The following SNX29 variants were observed in gnomAD, a reference collection of about 807,000 sequenced individuals.
SNX29 encodes sorting nexin-29.
Under a neutral mutation model 102.1 loss-of-function variants are expected in SNX29, and 78 were observed. The observed-to-expected ratio is 0.76, with a 90% confidence interval of 0.64 to 0.92. The LOEUF is 0.92. SNX29 is among the 40% of genes least tolerant of loss of function. The probability of loss-of-function intolerance (pLI) is 0.00; values close to 1 mark genes in which losing one functional copy is unlikely to be tolerated. For synonymous variants in SNX29, 580 were observed against 414.5 expected, an observed-to-expected ratio of 1.40 and a Z score of -4.85; for missense variants, 1,280 against 1,061.7, an observed-to-expected ratio of 1.21 and a Z score of -2.86.
At chr16:12,449,533 C>G (rs2086211356) in intron 18 of SNX29, among the ~76,000 whole-genome samples, 1 of 152,168 alleles carries the variant, frequency 6.6e-6, no homozygotes, top group Non-Finnish European at 1.5e-5. Flanking sequence ...ATTTGTTACT[C>G]TCTGTAAGTC....
intron 18 of SNX29, among the ~76,000 whole-genome samples, chr16:12,432,354 G>A (rs1447553505): frequency 6.6e-6 from 1 of 152,202 alleles, no homozygotes; most frequent in Non-Finnish European, 1.5e-5. Context: ...CATTTTTGGG[G>A]TCCAGGCTGT....
intron 14 of SNX29, among the ~76,000 whole-genome samples, chr16:12,257,675 C>T (rs929968297): frequency 1.4e-5 from 2 of 146,248 alleles, no homozygotes; most frequent in African/African-American, 2.6e-5. Flanking sequence ...CACCACCATG[C>T]CCGGCTTATT....
intron 15 of SNX29, among the ~76,000 whole-genome samples, chr16:12,281,648 G>A (rs940465942): frequency 2.6e-5 from 4 of 152,102 alleles, no homozygotes; most frequent in Non-Finnish European, 4.4e-5. Context: ...ACTGTGCTGG[G>A]GTTTTTACGT....
chr16:12,339,260 A>G lies in SNX29; in HGVS notation c.1783-16903A>G, dbSNP rs1329800492. Among the ~76,000 whole-genome samples, 3 of 149,650 alleles carry G rather than the reference A, an allele frequency of 2.0e-5. No individual in the cohort carries two copies. In the Admixed American group the frequency reaches 2.0e-4, roughly 10 times the overall value. On this transcript the variant is annotated intron_variant, in intron 15 of 20. Coordinates refer to ENST00000566228, the MANE Select transcript of SNX29 (RefSeq NM_032167.5). ...GTGGCGCATGCCTGTAATCCCAGCTACTTGTGTGGCTGAGGCAGAAGAATC... is the reference window on the plus strand; with the variant it reads ...GTGGCGCATGCCTGTAATCCCAGCTGCTTGTGTGGCTGAGGCAGAAGAATC...
intron 19 of SNX29, among the ~76,000 whole-genome samples, chr16:12,521,462 G>A (rs1168749025): frequency 7.2e-5 from 11 of 151,938 alleles, no homozygotes; most frequent in African/African-American, 2.7e-4. Context: ...TTTTGGGGGT[G>A]GGGGGTTCAC....
chr16:12,126,069 ATC>A (rs1049259225), intron 11 of SNX29, among the ~76,000 whole-genome samples: 8 of 152,282 alleles, frequency 5.3e-5, no homozygotes, highest in African/African-American at 1.9e-4. Flanking sequence ...CATTTAAAAA[ATC>A]TTTTTTATTT....
intron 14 of SNX29, among the ~76,000 whole-genome samples, chr16:12,252,732 C>T (rs907378994): frequency 6.6e-6 from 1 of 152,196 alleles, no homozygotes; most frequent in African/African-American, 2.4e-5. Flanking sequence ...GTTCCGCTTC[C>T]CTGGCTCACA....
At chr16:12,422,861 C>G (rs1016383109) in intron 18 of SNX29, among the ~76,000 whole-genome samples, 4 of 152,356 alleles carry the variant, frequency 2.6e-5, no homozygotes, top group Admixed American at 2.6e-4. Flanking sequence ...TTCACAGTCT[C>G]TCAGGATGAG....
chr16:12,423,770 C>T (rs953004221), intron 18 of SNX29, among the ~76,000 whole-genome samples: 3 of 152,172 alleles, frequency 2.0e-5, no homozygotes, highest in African/African-American at 7.2e-5. Context: ...TGGGGTTTCG[C>T]TATGTTGGCC....
At chr16:12,426,734 C>T (rs537503653) in intron 18 of SNX29, among the ~76,000 whole-genome samples, 2 of 152,194 alleles carry the variant, frequency 1.3e-5, no homozygotes, top group Non-Finnish European at 2.9e-5. Context: ...GGCGCGATCT[C>T]AGCTCACTGC....
intron 15 of SNX29, among the ~76,000 whole-genome samples, chr16:12,282,422 G>A (rs1200571402): frequency 1.3e-5 from 2 of 152,220 alleles, no homozygotes; most frequent in African/African-American, 4.8e-5. Flanking sequence ...AAAGCAACTT[G>A]TAGCAGAACA....
chr16:12,461,978 A>AAAAAAAAAAT (rs1555544501), intron 18 of SNX29, among the ~76,000 whole-genome samples: 1 of 27,352 alleles, frequency 3.7e-5, no homozygotes, highest in Admixed American at 7.2e-4. Context: ...AAAAAAAAAA[A>AAAAAAAAAAT]ATATATATAT....
At chr16:12,077,037 G>T (rs1290427988) in intron 10 of SNX29, among the ~76,000 whole-genome samples, 1 of 152,172 alleles carries the variant, frequency 6.6e-6, no homozygotes, top group Non-Finnish European at 1.5e-5. Context: ...ACTTTGGGAG[G>T]CCAAGGTGGG....
chr16:12,235,428 G>A (rs1289973880), intron 14 of SNX29, among the ~76,000 whole-genome samples: 1 of 152,132 alleles, frequency 6.6e-6, no homozygotes, highest in Non-Finnish European at 1.5e-5. Context: ...TTTCACATTT[G>A]GAGGTACATA....
intron 18 of SNX29, among the ~76,000 whole-genome samples, chr16:12,404,827 C>G (rs2084098260): frequency 6.6e-6 from 1 of 152,174 alleles, no homozygotes; most frequent in African/African-American, 2.4e-5. Flanking sequence ...AGTAGACACT[C>G]TATTCATTTC....
intron 13 of SNX29, among the ~76,000 whole-genome samples, chr16:12,185,209 C>G (rs982709250): frequency 6.6e-6 from 1 of 152,012 alleles, no homozygotes; most frequent in South Asian, 2.1e-4. Flanking sequence ...AGGTAGATAA[C>G]GGAAGTGAAT....
chr16:12,482,850 T>C (rs1376694507), intron 19 of SNX29, among the ~76,000 whole-genome samples: 1 of 152,250 alleles, frequency 6.6e-6, no homozygotes, highest in Non-Finnish European at 1.5e-5. Context: ...TCTTTTTTAA[T>C]TGACAAAATT....
intron 15 of SNX29, among the ~76,000 whole-genome samples, chr16:12,295,073 G>A (rs551714651): frequency 6.6e-6 from 1 of 152,278 alleles, no homozygotes; most frequent in African/African-American, 2.4e-5. Flanking sequence ...TCTACCACAA[G>A]AACAGTATGG....
chr16:12,158,817 G>C (rs913383388), intron 13 of SNX29, among the ~76,000 whole-genome samples: 11 of 152,224 alleles, frequency 7.2e-5, no homozygotes, highest in Non-Finnish European at 1.5e-4. Flanking sequence ...GGGATTGAGT[G>C]AAATGGGGGA....
Sources: gnomAD v4.1 joint callset for allele counts (sites outside exome capture counted in the v4.1 genomes callset) on GRCh38, gnomAD v4.1.1 for gene constraint, MANE v1.5 for transcripts, NCBI Gene and HGNC (gene_info 2026-07-23, HGNC 2026-07-21) for gene names.